Variants in FIRRM observed in about 807,000 individuals in gnomAD.
FIRRM encodes FIGNL1-interacting regulator of recombination and mitosis.
the FIRRM span, among the ~76,000 whole-genome samples, chr1:169,808,498 GTTATAC>G: frequency 1.3e-5 from 2 of 151,856 alleles, no homozygotes; most frequent in Non-Finnish European, 2.9e-5. Context: ...CTGTAACACT[GTTATAC>G]ATAGTACCTT....
chr1:169,827,202 A>C, the FIRRM span: 1 of 1,609,894 alleles, frequency 6.2e-7, no homozygotes, highest in African/African-American at 1.3e-5. Context: ...TAAATTAGGT[A>C]AGCTTCAAAA....
chr1:169,849,916 T>A, the FIRRM span: 3 of 462,182 alleles, frequency 6.5e-6, no homozygotes, highest in African/African-American at 1.9e-5. Context: ...TACATTTCAT[T>A]TTGTGCTATC....
the FIRRM span, among the ~76,000 whole-genome samples, chr1:169,804,616 T>G: frequency 5.9e-5 from 9 of 152,254 alleles, no homozygotes; most frequent in Non-Finnish European, 1.0e-4. Flanking sequence ...AATATGTCTA[T>G]TCTCATATAC....
the FIRRM span, among the ~76,000 whole-genome samples, chr1:169,814,619 A>G: frequency 6.6e-6 from 1 of 152,202 alleles, no homozygotes; most frequent in East Asian, 1.9e-4. Context: ...AAGTGCCACT[A>G]GTGATCCTGG....
chr1:169,853,368 G>A, the FIRRM span: 1 of 325,418 alleles, frequency 3.1e-6, no homozygotes, highest in Non-Finnish European at 5.6e-6. Context: ...ACAAAATTAA[G>A]CTAACCAGCT....
the FIRRM span, chr1:169,853,849 A>G: frequency 6.5e-7 from 1 of 1,530,826 alleles, no homozygotes. Flanking sequence ...TTGAAAAAGC[A>G]GGAATTTAAA....
the FIRRM span, chr1:169,836,810 C>T: frequency 4.4e-5 from 29 of 657,766 alleles, no homozygotes; most frequent in South Asian, 2.2e-4. Flanking sequence ...TAGATATTAC[C>T]GTACCATTAT....
At chr1:169,833,155 T>C in the FIRRM span, among the ~76,000 whole-genome samples, 1 of 152,234 alleles carries the variant, frequency 6.6e-6, no homozygotes, top group Non-Finnish European at 1.5e-5. Context: ...TTTTTGCTCT[T>C]AGTGGTCTTT....
chr1:169,795,762 C>T, the FIRRM span: 2 of 985,332 alleles, frequency 2.0e-6, no homozygotes, highest in Non-Finnish European at 2.4e-6. Context: ...TTTCCTCCTT[C>T]CCCTCTCAGA....
At chr1:169,806,876 G>T in the FIRRM span, among the ~76,000 whole-genome samples, 3 of 152,156 alleles carry the variant, frequency 2.0e-5, no homozygotes, top group Admixed American at 1.3e-4. Context: ...TCTTGACAGG[G>T]TTATAGTGAG....
chr1:169,823,763 A>T, the FIRRM span, among the ~76,000 whole-genome samples: 1 of 151,984 alleles, frequency 6.6e-6, no homozygotes. Context: ...GTATACCTTT[A>T]TTTTTCTATT....
At chr1:169,792,102 A>G in the FIRRM span, among the ~76,000 whole-genome samples, 13 of 152,348 alleles carry the variant, frequency 8.5e-5, no homozygotes, top group Admixed American at 3.9e-4. Flanking sequence ...TTAAATTCTC[A>G]GCATTCTGAT....
At chr1:169,850,993 TTTTTTTTTTTTTTATTTG>T in the FIRRM span, 1 of 54,182 alleles carries the variant, frequency 1.8e-5, no homozygotes, top group Non-Finnish European at 3.9e-5. Context: ...TTTTTTTTTT[TTTTTTTTTTTTTTATTTG>T]GGCAGCCTCC....
the FIRRM span, chr1:169,821,581 GT>G: frequency 5.8e-6 from 5 of 866,008 alleles, no homozygotes; most frequent in Non-Finnish European, 6.7e-6. Context: ...GGTTTTTTTT[GT>G]TTTTGTTTTT....
At chr1:169,836,825 C>A in the FIRRM span, 190 of 785,332 alleles carry the variant, frequency 2.4e-4, no homozygotes, top group African/African-American at 3.0e-3. Flanking sequence ...CATTATAAAG[C>A]TTTCTCGAAA....
At chr1:169,852,315 T>C in the FIRRM span, 5 of 303,416 alleles carry the variant, frequency 1.6e-5, no homozygotes, top group Non-Finnish European at 3.1e-5. Flanking sequence ...TGGCAGTAAC[T>C]GAAGATCACA....
At chr1:169,786,122 A>T in the FIRRM span, among the ~76,000 whole-genome samples, 1 of 152,230 alleles carries the variant, frequency 6.6e-6, no homozygotes, top group African/African-American at 2.4e-5. Flanking sequence ...GGGAGGTTAT[A>T]TAAATAATAT....
At chr1:169,837,709 A>G in the FIRRM span, among the ~76,000 whole-genome samples, 1 of 152,226 alleles carries the variant, frequency 6.6e-6, no homozygotes, top group African/African-American at 2.4e-5. Flanking sequence ...TCGGGAACCA[A>G]AAATTTCTAC....
chr1:169,807,803 G>C, the FIRRM span: 2 of 1,593,930 alleles, frequency 1.3e-6, no homozygotes, highest in Non-Finnish European at 1.7e-6. Context: ...AGAGCCTTAA[G>C]CACCAGTCCA....
Sources: allele counts gnomAD v4.1 joint callset (sites outside exome capture counted in the v4.1 genomes callset), GRCh38; gene constraint gnomAD v4.1.1; transcripts MANE v1.5; gene names NCBI Gene and HGNC (gene_info 2026-07-23, HGNC 2026-07-21).